The following SIAE variants were observed in gnomAD, a reference collection of about 807,000 sequenced individuals.
SIAE encodes sialate O-acetylesterase.
Under a neutral mutation model 52.6 loss-of-function variants are expected in SIAE, and 39 were observed. The ratio of observed to expected loss-of-function variants is 0.74; its 90% CI spans 0.57 to 0.97. SIAE has a LOEUF of 0.97. SIAE is among the 50% of genes least tolerant of loss of function. SIAE has a pLI of 0.00. For missense variants in SIAE, 592 were observed against 662.1 expected (o/e 0.89, Z 1.16); for synonymous variants, 233 against 241.4 (o/e 0.97, Z 0.32).
At chr11:124,648,584 C>A (rs1172221582) in intron 5 of SIAE, among the ~76,000 whole-genome samples, 4 of 152,100 alleles carry the variant, frequency 2.6e-5, no homozygotes. Flanking sequence ...AGATCATCTT[C>A]CTTATAGCTA....
At chr11:124,668,185 C>T (rs1208935125) in intron 2 of SIAE, among the ~76,000 whole-genome samples, 2 of 152,194 alleles carry the variant, frequency 1.3e-5, no homozygotes, top group Non-Finnish European at 2.9e-5. Context: ...CCTGGCATCT[C>T]TCCCATGGCC....
At chr11:124,674,840 TA>T (rs770029810), upstream of SIAE, 5 of 152,452 alleles carry the variant, frequency 3.3e-5, no homozygotes, top group Admixed American at 6.5e-5. Flanking sequence ...TTCTACTCTT[TA>T]AAAAAAAATA....
intron 1 of SIAE, 90 bp from the exon 2 acceptor site, chr11:124,669,611 T>G: frequency 8.2e-7 from 1 of 1,221,626 alleles, no homozygotes; most frequent in Admixed American, 1.7e-5. Context: ...CATACAGTCT[T>G]TATGCAAGAG....
chr11:124,636,965 T>C lies in SIAE; in HGVS notation c.1558A>G (p.Asn520Asp). Residue 520 changes from asparagine to aspartate, a missense_variant, in exon 10 of 10, where the codon AAT (asparagine) becomes GAT (aspartate). Transcript: ENST00000263593. Reference sequence around the variant, plus strand: ...TACTGAAACAGTCATTTAGCAACATTGCTCTGATGTCCAGGACCCTGGTCT... The same window carrying C: ...TACTGAAACAGTCATTTAGCAACATCGCTCTGATGTCCAGGACCCTGGTCT... Reference protein sequence around the residue: ...ITDQGPGHQSNVAK With the variant: ...ITDQGPGHQSDVAK 6.2e-7 allele frequency: 1 copy of C among 1,614,182 alleles called. No individual in the cohort carries two copies. The highest frequency in any genetic ancestry group is 1.3e-5 in the African/African-American group (1 of 75,042).
intron 7 of SIAE, among the ~76,000 whole-genome samples, chr11:124,646,421 G>A (rs1942935893): frequency 6.6e-6 from 1 of 152,170 alleles, no homozygotes; most frequent in Admixed American, 6.5e-5. Flanking sequence ...AATCTGGATA[G>A]TCACAGAAGG....
rs1337921650 is a variant in SIAE, at chr11:124,647,430, G to A, written c.901C>T (p.Arg301Cys). 9 of 1,614,028 alleles carry A rather than the reference G, an allele frequency of 5.6e-6. No homozygotes were observed. The highest frequency in any genetic ancestry group is 4.0e-5 in the African/African-American group (3 of 74,906). ...TGGGAACCACGGTGGAAGGTTTCAC[G>A]CCAGTCTTCGATGAGTGCAGGGAAT... ...CTFPALIEDW[R>C]ETFHRGSQGQ... is the part of the protein sequence containing the mutation. The change falls in exon 7 of 10, where the codon CGT (arginine) becomes TGT (cysteine). Residue 301 changes from arginine to cysteine, a missense_variant. Arg to Cys is a radical substitution (Grantham distance 180). Transcript: ENST00000263593.
At position 124,634,293 on chromosome 11, in the gene SIAE, C is replaced by T. The variant is rs1170081053; in HGVS notation, c.*2658G>A. On this transcript the variant is annotated 3_prime_UTR_variant, in exon 10 of 10. Transcript: ENST00000263593. ...GAGGTTGCAGTGAGCCGAGACCGCGCCACTGCACTCCAGCCTGGGCAACAG... is the reference window on the plus strand; with the variant it reads ...GAGGTTGCAGTGAGCCGAGACCGCGTCACTGCACTCCAGCCTGGGCAACAG... 6.6e-6 allele frequency: 1 copy of T among 152,306 alleles called. No individual in the cohort carries two copies. The highest frequency in any genetic ancestry group is 1.5e-5 in the Non-Finnish European group (1 of 68,146). The allele number at this position is 152,306 out of a possible 1,614,324, so 9.4% of individuals were successfully genotyped here.
chr11:124,638,746 T>G lies in SIAE; in HGVS notation c.1125-9A>C. The G allele has an allele frequency of 6.2e-7, 1 of 1,613,088 alleles. No individual in the cohort carries two copies. Among genetic ancestry groups the G allele is most frequent in the Admixed American group, 1.7e-5 (1 of 60,006 alleles). On this transcript the variant is annotated splice_polypyrimidine_tract_variant and intron_variant, in intron 8 of 9. Transcript: ENST00000263593. ...TATCTCGAGGGTGGATGCTACAGGATAAGGAACAAGTAGAGAACTTTGGGT... is the reference window on the plus strand; with the variant it reads ...TATCTCGAGGGTGGATGCTACAGGAGAAGGAACAAGTAGAGAACTTTGGGT...
chr11:124,675,214 C>A, upstream of SIAE: 2 of 1,570,508 alleles, frequency 1.3e-6, no homozygotes, highest in Non-Finnish European at 1.7e-6. Context: ...AATTTAAAGA[C>A]AGTACTCTTT....
rs754516043 is a variant in SIAE at position 124,660,625 on chromosome 11, T to C, written c.405+3A>G. On this transcript the variant is annotated splice_donor_region_variant and intron_variant, in intron 3 of 9. Transcript: ENST00000263593. ...GTATTATTGCTGAGACTCTGCAAATTACCTGTAACACAGTCATCTGCATGT... is the reference window on the plus strand; with the variant it reads ...GTATTATTGCTGAGACTCTGCAAATCACCTGTAACACAGTCATCTGCATGT... 1.9e-6 allele frequency: 3 copies of C among 1,613,976 alleles called. No individual in the cohort carries two copies. Among genetic ancestry groups the C allele is most frequent in the Non-Finnish European group, 2.5e-6 (3 of 1,179,868 alleles).
At chr11:124,643,543 G>T (rs1269046999) in intron 7 of SIAE, among the ~76,000 whole-genome samples, 1 of 152,164 alleles carries the variant, frequency 6.6e-6, no homozygotes, top group African/African-American at 2.4e-5. Flanking sequence ...GAAGTGGTCA[G>T]ATTCTGAATG....
At chr11:124,673,804 A>T (rs561639663), upstream of SIAE, 1 of 1,410,100 alleles carries the variant, frequency 7.1e-7, no homozygotes, top group African/African-American at 1.4e-5. Context: ...ACCCTTTTGC[A>T]GTCCTCGCAG....
chr11:124,657,250 G>A (rs1374854370), intron 3 of SIAE, among the ~76,000 whole-genome samples: 4 of 152,210 alleles, frequency 2.6e-5, no homozygotes, highest in African/African-American at 9.7e-5. Flanking sequence ...GCAGGTTAAT[G>A]TAAAGTAAAC....
chr11:124,639,488 T>A (rs1942807670), intron 8 of SIAE, among the ~76,000 whole-genome samples: 1 of 152,244 alleles, frequency 6.6e-6, no homozygotes, highest in Non-Finnish European at 1.5e-5. Context: ...GCAAAGTCTC[T>A]GTTGACCTTC....
chr11:124,667,723 C>T (rs1943292512), intron 2 of SIAE, among the ~76,000 whole-genome samples: 1 of 152,190 alleles, frequency 6.6e-6, no homozygotes, highest in Non-Finnish European at 1.5e-5. Context: ...ACAGCTATAG[C>T]GCTATCTGTA....
chr11:124,649,507 AAC>A (rs1942986585), intron 5 of SIAE, 110 bp downstream of exon 5: 2 of 1,141,532 alleles, frequency 1.8e-6, no homozygotes, highest in Non-Finnish European at 2.7e-6. Flanking sequence ...ACATACATTC[AAC>A]ACATATTGGG....
rs1193712664 is a variant in SIAE, at chr11:124,670,764, C to T, written c.68-1243G>A. 1.3e-5 allele frequency among the ~76,000 whole-genome samples: 2 copies of T among 152,188 alleles called. No individual in the cohort carries two copies. Among genetic ancestry groups the T allele is most frequent in the Non-Finnish European group, 2.9e-5 (2 of 68,038 alleles). On this transcript the variant is annotated intron_variant, in intron 1 of 9. Coordinates refer to ENST00000263593, the MANE Select transcript of SIAE (RefSeq NM_170601.5). This position sits in a 1 kb window ranked among gnomAD's most constrained non-coding sequence, Gnocchi z 4.5. ...AAAATCCTCAGCGCTCTCTTATGAGCTAGTGTGATCAAGAAACCTACATGA... is the reference window on the plus strand; with the variant it reads ...AAAATCCTCAGCGCTCTCTTATGAGTTAGTGTGATCAAGAAACCTACATGA...
rs1190197669 is a variant in SIAE at position 124,669,362 on chromosome 11, T to C, written c.227A>G (p.Lys76Arg). 6.2e-7 allele frequency: 1 copy of C among 1,614,132 alleles called. No homozygotes were observed. The highest frequency in any genetic ancestry group is 1.1e-5 in the South Asian group (1 of 91,074). The change falls in exon 2 of 10, where the codon AAA (lysine) becomes AGA (arginine). Residue 76 changes from lysine (K) to arginine (R), a missense_variant and splice_region_variant. Lys to Arg is a conservative substitution (Grantham distance 26). Transcript: ENST00000263593. ...GAACGGAAGATGGGCTGCCTTACCT[T>C]TCACACTGGTCACTTTCTTCATGAT... ...ETIMKKVTSV[K>R]AHSDTWMVVL...
chr11:124,670,369 A>G lies in SIAE; in HGVS notation c.68-848T>C, dbSNP rs1943333988. Among the ~76,000 whole-genome samples, 3 of 152,324 alleles carry G rather than the reference A, an allele frequency of 2.0e-5. No individual in the cohort carries two copies. In the South Asian group the frequency reaches 6.2e-4, roughly 32 times the overall value. On this transcript the variant is annotated intron_variant, in intron 1 of 9. Coordinates refer to ENST00000263593, the MANE Select transcript of SIAE (RefSeq NM_170601.5). The surrounding 1 kb of genome is among the most constrained non-coding windows in gnomAD (Gnocchi z 4.5). ...AACTCGCTTTAACGACATCATTCCT[A>G]TTTTTAACATCCAGCCTATATAAAA...
Sources: gnomAD v4.1 joint callset for allele counts (sites outside exome capture counted in the v4.1 genomes callset) on GRCh38, gnomAD v4.1.1 for gene constraint, Gnocchi (gnomAD v3.1) non-coding constraint, MANE v1.5 for transcripts, NCBI Gene and HGNC (gene_info 2026-07-23, HGNC 2026-07-21) for gene names.